RBBP8: variants seen among roughly 807,000 people sequenced by gnomAD.
The protein encoded by RBBP8 is DNA endonuclease RBBP8.
In RBBP8, 88 loss-of-function variants were observed where a neutral mutation model predicts 108.3. The ratio of observed to expected loss-of-function variants is 0.81; its 90% confidence interval spans 0.68 to 0.97. The LOEUF is 0.97. Among genes scored for constraint, RBBP8 ranks in the 50% least tolerant of loss-of-function variants. RBBP8 has a pLI of 0.00. For missense variants in RBBP8, 1,023 were observed against 1,049.0 expected, an observed-to-expected ratio of 0.98 and a Z score of 0.34; for synonymous variants, 332 against 348.2, an observed-to-expected ratio of 0.95 and a Z score of 0.52.
intron 5 of RBBP8, among the ~76,000 whole-genome samples, chr18:22,973,506 C>G (rs1464867776): frequency 6.6e-6 from 1 of 152,162 alleles, no homozygotes; most frequent in African/African-American, 2.4e-5. Context: ...GTCTTTACTT[C>G]CTGTTTATCC....
intron 3 of RBBP8, among the ~76,000 whole-genome samples, chr18:22,949,113 A>G (rs1911813521): frequency 6.6e-6 from 1 of 152,210 alleles, no homozygotes; most frequent in African/African-American, 2.4e-5. Flanking sequence ...GGTGAGGCAC[A>G]GAGAGTTTAG....
At chr18:23,024,166 C>T (rs1029927246) in intron 18 of RBBP8, among the ~76,000 whole-genome samples, 15 of 150,196 alleles carry the variant, frequency 1.0e-4, no homozygotes, top group African/African-American at 2.4e-4. Context: ...ATTACAGGCT[C>T]GAGCCACCAC....
At chr18:22,993,698 G>T in intron 11 of RBBP8, 23 bp from the exon 12 acceptor site, 1 of 1,614,172 alleles carries the variant, frequency 6.2e-7, no homozygotes, top group Non-Finnish European at 8.5e-7. Flanking sequence ...TTCATTTAGA[G>T]CTAACAATTA....
chr18:22,926,177 C>G (rs948264791), intron 3 of RBBP8, among the ~76,000 whole-genome samples: 1 of 152,240 alleles, frequency 6.6e-6, no homozygotes, highest in Non-Finnish European at 1.5e-5. Flanking sequence ...AACCCCAGCA[C>G]TTTGGGAGGC....
At chr18:22,956,458 C>G (rs544186486) in intron 4 of RBBP8, among the ~76,000 whole-genome samples, 3 of 152,276 alleles carry the variant, frequency 2.0e-5, no homozygotes, top group Admixed American at 2.0e-4. Flanking sequence ...CATCAGCCCC[C>G]CCAGGTAGCT....
At position 22,933,354 on chromosome 18, in the gene RBBP8, G is replaced by T. The variant is rs903566848; in HGVS notation, c.-309G>T. ...CGTGACGTCGCGCGGGCTCCCGGGC[G>T]GGGCGGGTCCGGCCGCCTCCGAGCC... On this transcript the variant is annotated 5_prime_UTR_variant, in exon 1 of 19. Coordinates refer to ENST00000327155, the MANE Select transcript of RBBP8 (RefSeq NM_002894.3). 2 of 152,400 alleles carry T rather than the reference G, an allele frequency of 1.3e-5. No individual in the cohort carries two copies. The highest frequency in any genetic ancestry group is 2.4e-5 in the African/African-American group (1 of 41,398). The allele number at this position is 152,400 out of a possible 1,614,324, so 9.4% of individuals were successfully genotyped here.
intron 4 of RBBP8, among the ~76,000 whole-genome samples, chr18:22,966,273 C>T (rs1421601520): frequency 6.6e-6 from 1 of 152,124 alleles, no homozygotes; most frequent in Non-Finnish European, 1.5e-5. Flanking sequence ...GATTTTAAGG[C>T]TTCTGATCTA....
chr18:22,994,245 G>C (rs961405224), intron 12 of RBBP8, among the ~76,000 whole-genome samples: 36 of 148,640 alleles, frequency 2.4e-4, no homozygotes, highest in African/African-American at 8.8e-4. Flanking sequence ...GGATGGTCTA[G>C]ATCTCCTGAC....
At chr18:23,011,747 T>TTA (rs2144796125) in intron 16 of RBBP8, among the ~76,000 whole-genome samples, 1 of 152,154 alleles carries the variant, frequency 6.6e-6, no homozygotes, top group Non-Finnish European at 1.5e-5. Flanking sequence ...CCTGATGCTG[T>TTA]TATTATAAGT....
At chr18:22,950,726 G>T (rs1247628728) in intron 4 of RBBP8, among the ~76,000 whole-genome samples, 1 of 152,096 alleles carries the variant, frequency 6.6e-6, no homozygotes, top group Non-Finnish European at 1.5e-5. Context: ...TTCAAAACCA[G>T]CGTCGCAGTA....
intron 1 of RBBP8, chr18:22,934,675 C>G (rs1910372992): frequency 6.7e-6 from 1 of 148,430 alleles, no homozygotes; most frequent in African/African-American, 2.5e-5. Flanking sequence ...CTCCCCCCAC[C>G]CCACGGCAGG....
At chr18:22,997,968 A>G (rs2045888864) in intron 14 of RBBP8, among the ~76,000 whole-genome samples, 4 of 152,190 alleles carry the variant, frequency 2.6e-5, no homozygotes, top group African/African-American at 9.6e-5. Flanking sequence ...GGATTTGCAA[A>G]TGACAGCCAG....
chr18:22,981,328 C>G (rs1365303612), intron 6 of RBBP8, among the ~76,000 whole-genome samples: 4 of 151,892 alleles, frequency 2.6e-5, no homozygotes. Context: ...TATAAGGGGG[C>G]CTAGATAAAA....
At chr18:22,957,670 C>T (rs1598662605) in intron 4 of RBBP8, among the ~76,000 whole-genome samples, 1 of 152,018 alleles carries the variant, frequency 6.6e-6, no homozygotes, top group South Asian at 2.1e-4. Context: ...TTAGCAGCAG[C>T]AGTGGAAGAT....
intron 1 of RBBP8, among the ~76,000 whole-genome samples, chr18:22,914,728 A>C (rs552341501): frequency 6.6e-6 from 1 of 152,334 alleles, no homozygotes; most frequent in South Asian, 2.1e-4. Flanking sequence ...GGCCAAAAAA[A>C]GCATTGGCCG....
At chr18:22,996,339 G>C (rs752056964) in intron 12 of RBBP8, 35 bp from the exon 13 acceptor site, 2 of 1,610,624 alleles carry the variant, frequency 1.2e-6, no homozygotes, top group Non-Finnish European at 1.7e-6. Context: ...TTTGAAATCA[G>C]TTTTTTAATT....
chr18:22,980,965 C>CGTTTTTTTT (rs1914879065), intron 6 of RBBP8, among the ~76,000 whole-genome samples: 1 of 69,490 alleles, frequency 1.4e-5, no homozygotes, highest in African/African-American at 5.1e-5. Context: ...CCACTTATGT[C>CGTTTTTTTT]TTTTTTTTTT....
chr18:22,946,346 T>C, intron 2 of RBBP8, 98 bp from the exon 3 acceptor site: 1 of 1,524,968 alleles, frequency 6.6e-7, no homozygotes. Context: ...GAGACCTGGT[T>C]TATTATTTAG....
At chr18:22,933,711 G>A (rs1482820556) in intron 1 of RBBP8, 147 bp downstream of exon 1, 3 of 152,664 alleles carry the variant, frequency 2.0e-5, no homozygotes, top group Non-Finnish European at 4.4e-5. Flanking sequence ...GGCCGGGCCC[G>A]GGCTACACTC....
Sources: allele counts gnomAD v4.1 joint callset (sites outside exome capture counted in the v4.1 genomes callset), GRCh38; gene constraint gnomAD v4.1.1; transcripts MANE v1.5; gene names NCBI Gene and HGNC (gene_info 2026-07-23, HGNC 2026-07-21).